The following NDUFA12 variants were observed in gnomAD, a reference collection of about 807,000 sequenced individuals.
NDUFA12 encodes NADH:ubiquinone oxidoreductase subunit A12.
NDUFA12 carries 17 observed loss-of-function variants against 20.3 expected under a neutral mutation model. The observed-to-expected ratio is 0.84, with a 90% CI of 0.57 to 1.26. The LOEUF (loss-of-function observed/expected upper bound fraction) is 1.26, where lower values mean the gene tolerates loss of function less well. Ranked by LOEUF, NDUFA12 falls within the 50% of genes most tolerant of loss-of-function variation. The pLI is 0.00. For synonymous variants in NDUFA12, 72 were observed against 63.6 expected, an observed-to-expected ratio of 1.13 and a Z score of -0.63; for missense variants, 191 against 183.7, an observed-to-expected ratio of 1.04 and a Z score of -0.23.
intron 3 of NDUFA12, among the ~76,000 whole-genome samples, chr12:94,973,720 T>C (rs1291957555): frequency 6.6e-6 from 1 of 152,126 alleles, no homozygotes; most frequent in Non-Finnish European, 1.5e-5. Flanking sequence ...AGATAATTTT[T>C]ATCACAATAC....
intron 3 of NDUFA12, among the ~76,000 whole-genome samples, chr12:94,989,723 T>C (rs1475637663): frequency 6.6e-6 from 1 of 152,236 alleles, no homozygotes; most frequent in East Asian, 1.9e-4. Context: ...CATTTTCATG[T>C]GGTCTCAGAT....
intron 2 of NDUFA12, among the ~76,000 whole-genome samples, chr12:94,995,453 CTCTG>C (rs1422475434): frequency 6.6e-6 from 1 of 152,206 alleles, no homozygotes; most frequent in Non-Finnish European, 1.5e-5. Context: ...CTCTCTCTCT[CTCTG>C]TCTGTCTCTC....
At chr12:94,981,730 TA>T (rs1385453016) in intron 3 of NDUFA12, among the ~76,000 whole-genome samples, 2 of 152,100 alleles carry the variant, frequency 1.3e-5, no homozygotes, top group African/African-American at 4.8e-5. Flanking sequence ...GCCTGACATA[TA>T]GGGGGGTGCT....
chr12:94,998,281 T>C (rs558068412), intron 2 of NDUFA12, among the ~76,000 whole-genome samples: 5 of 152,068 alleles, frequency 3.3e-5, no homozygotes, highest in African/African-American at 9.6e-5. Context: ...AATCCAACAT[T>C]CCTGTATGAT....
intron 3 of NDUFA12, among the ~76,000 whole-genome samples, chr12:94,982,465 A>G (rs1874276559): frequency 6.6e-6 from 1 of 151,606 alleles, no homozygotes; most frequent in South Asian, 2.1e-4. Flanking sequence ...TTAAGTGGAG[A>G]CGGGGTTTCA....
At chr12:94,978,339 G>GCACAATT (rs1396071192) in intron 3 of NDUFA12, among the ~76,000 whole-genome samples, 1 of 152,172 alleles carries the variant, frequency 6.6e-6, no homozygotes, top group Non-Finnish European at 1.5e-5. Context: ...CTTGGACTAG[G>GCACAATT]GTAACAGTCA....
chr12:94,991,114 T>C (rs1432943887), intron 3 of NDUFA12, among the ~76,000 whole-genome samples: 1 of 151,880 alleles, frequency 6.6e-6, no homozygotes, highest in African/African-American at 2.4e-5. Flanking sequence ...CGAAACCTCA[T>C]CTGTACTAAA....
chr12:94,984,736 A>AAAAAAAAAC (rs36013656), intron 3 of NDUFA12, among the ~76,000 whole-genome samples: 4 of 74,136 alleles, frequency 5.4e-5, no homozygotes, highest in Non-Finnish European at 7.2e-5. Flanking sequence ...ACAACAAAAA[A>AAAAAAAAAC]CCCATATATA....
At chr12:94,982,514 G>A (rs1874277976) in intron 3 of NDUFA12, among the ~76,000 whole-genome samples, 1 of 152,054 alleles carries the variant, frequency 6.6e-6, no homozygotes, top group Non-Finnish European at 1.5e-5. Context: ...CTGACCTCAT[G>A]ATCTGCCTGC....
rs114977791 is a variant in NDUFA12 at position 94,982,877 on chromosome 12, C to G, written c.258-11257G>C. Among the ~76,000 whole-genome samples the G allele has an allele frequency of 4.6e-3, 693 of 152,246 alleles. 7 individuals are homozygous for G. The highest frequency in any genetic ancestry group is 0.044 in the Middle Eastern group (13 of 294). On this transcript the variant is annotated intron_variant, in intron 3 of 3. Transcript: ENST00000327772. ...TTATCTGGTTTCCAGGATAACAGAG[C>G]TAGGCATTTAACTGAAGGTCATATT...
intron 2 of NDUFA12, 86 bp from the exon 3 acceptor site, chr12:94,994,343 T>A: frequency 2.0e-6 from 2 of 997,790 alleles, no homozygotes; most frequent in Non-Finnish European, 3.1e-6. Flanking sequence ...ACCTTTTTAT[T>A]AAGAAAAGAC....
At chr12:94,996,132 CG>C (rs976265524) in intron 2 of NDUFA12, among the ~76,000 whole-genome samples, 1 of 150,104 alleles carries the variant, frequency 6.7e-6, no homozygotes, top group Non-Finnish European at 1.5e-5. Flanking sequence ...CACTTGAGCA[CG>C]GGAGGCAGAG....
intron 3 of NDUFA12, chr12:94,971,857 T>C: frequency 1.4e-6 from 1 of 696,278 alleles, no homozygotes; most frequent in Non-Finnish European, 2.6e-6. Context: ...AAAATTCTTG[T>C]GTGTGGCAGA....
At chr12:94,998,884 A>G (rs6538585) in intron 2 of NDUFA12, among the ~76,000 whole-genome samples, 34,718 of 152,136 alleles carry the variant, frequency 0.23, 4,254 homozygotes, top group East Asian at 0.42. Flanking sequence ...CACATAATCA[A>G]TATTGTGAAA....
chr12:94,975,243 A>G (rs1436544261), intron 3 of NDUFA12, among the ~76,000 whole-genome samples: 1 of 152,234 alleles, frequency 6.6e-6, no homozygotes, highest in Non-Finnish European at 1.5e-5. Flanking sequence ...AAATATTTGT[A>G]ATATACAGAA....
chr12:95,000,064 A>C (rs577770575), intron 2 of NDUFA12, among the ~76,000 whole-genome samples: 14 of 152,336 alleles, frequency 9.2e-5, no homozygotes, highest in African/African-American at 3.4e-4. Context: ...TGCAAAAATA[A>C]GGAACCAACC....
intron 3 of NDUFA12, chr12:94,972,312 C>T: frequency 3.7e-6 from 1 of 271,974 alleles, no homozygotes; most frequent in South Asian, 3.4e-5. Flanking sequence ...AAAGATGCTA[C>T]CAAATAAATT....
chr12:95,000,157 G>A (rs11612831), intron 2 of NDUFA12, among the ~76,000 whole-genome samples: 10,886 of 152,230 alleles, frequency 0.072, 463 homozygotes, highest in Middle Eastern at 0.17. Flanking sequence ...AAAACAGAAA[G>A]CAATAATGGC....
intron 3 of NDUFA12, among the ~76,000 whole-genome samples, chr12:94,991,418 T>A (rs1033311725): frequency 5.3e-5 from 8 of 151,168 alleles, no homozygotes; most frequent in African/African-American, 1.9e-4. Flanking sequence ...CAAATATTTT[T>A]AAAAATTAAT....
Sources: gnomAD v4.1 joint callset for allele counts (sites outside exome capture counted in the v4.1 genomes callset) on GRCh38, gnomAD v4.1.1 for gene constraint, MANE v1.5 for transcripts, NCBI Gene and HGNC (gene_info 2026-07-23, HGNC 2026-07-21) for gene names.